TANC2: variants seen among roughly 807,000 people sequenced by gnomAD.
TANC2 encodes the protein tetratricopeptide repeat, ankyrin repeat and coiled-coil containing 2, also known as protein TANC2.
Under a neutral mutation model 210.5 loss-of-function variants are expected in TANC2, and 26 were observed. That is an observed-to-expected ratio of 0.12 (90% CI 0.09 to 0.17). TANC2 has a LOEUF of 0.17. TANC2 is among the 10% of genes least tolerant of loss of function. TANC2 has a pLI of 1.00. For missense variants in TANC2, 2,129 were observed against 2,608.9 expected, an observed-to-expected ratio of 0.82 and a Z score of 4.01; for synonymous variants, 931 against 967.1, an observed-to-expected ratio of 0.96 and a Z score of 0.69.
intron 1 of TANC2, among the ~76,000 whole-genome samples, chr17:62,998,247 C>T (rs533615809): frequency 6.6e-6 from 1 of 152,152 alleles, no homozygotes; most frequent in Non-Finnish European, 1.5e-5. Context: ...TGAACAGAAT[C>T]TCTGAGAAAT....
chr17:63,220,836 A>ATG (rs976594297), intron 7 of TANC2, among the ~76,000 whole-genome samples: 8 of 149,234 alleles, frequency 5.4e-5, no homozygotes, highest in African/African-American at 2.0e-4. Flanking sequence ...ATATGTATAT[A>ATG]TGTGTGTATA....
chr17:63,137,158 G>A (rs1206637585), intron 4 of TANC2, among the ~76,000 whole-genome samples: 1 of 152,110 alleles, frequency 6.6e-6, no homozygotes, highest in Non-Finnish European at 1.5e-5. Flanking sequence ...AGAGATCCAA[G>A]TAAGAACACA....
intron 3 of TANC2, among the ~76,000 whole-genome samples, chr17:63,086,772 A>G (rs1464781118): frequency 7.0e-6 from 1 of 143,870 alleles, no homozygotes; most frequent in Non-Finnish European, 1.6e-5. Flanking sequence ...CACACCCATT[A>G]GTGCTCTGTA....
chr17:63,347,291 A>C (rs978109923), intron 12 of TANC2, among the ~76,000 whole-genome samples: 1 of 152,226 alleles, frequency 6.6e-6, no homozygotes, highest in African/African-American at 2.4e-5. Context: ...GTTAGGCAAA[A>C]GAACAAGTGT....
intron 27 of TANC2, among the ~76,000 whole-genome samples, chr17:63,419,249 C>A (rs1349916869): frequency 6.6e-6 from 1 of 152,198 alleles, no homozygotes. Context: ...GCTGGGGCAA[C>A]GAAGTCCTCA....
exon 5 of TANC2, chr17:63,151,275 C>T (rs755848702): frequency 2.9e-4 from 289 of 985,510 alleles, no homozygotes; most frequent in Non-Finnish European, 3.4e-4. Flanking sequence ...CTTAGCCCCT[C>T]TGAGGAAGGC....
At chr17:63,255,064 TTTATTTA>T (rs2043150705) in intron 8 of TANC2, among the ~76,000 whole-genome samples, 3 of 40,400 alleles carry the variant, frequency 7.4e-5, no homozygotes, top group Non-Finnish European at 2.1e-4. Context: ...TTATTTTTTA[TTTATTTA>T]TTTATTTATT....
exon 28 of TANC2, chr17:63,425,220 T>TA (rs2049115593): frequency 6.6e-6 from 1 of 152,208 alleles, no homozygotes. Flanking sequence ...GTGTATAACT[T>TA]AAACTCGATG....
chr17:63,032,504 C>T (rs1321500211), intron 2 of TANC2, among the ~76,000 whole-genome samples: 1 of 152,086 alleles, frequency 6.6e-6, no homozygotes, highest in African/African-American at 2.4e-5. Context: ...GCTATTGCAG[C>T]AGCATCCAGG....
chr17:62,992,723 A>G (rs1335101845), intron 1 of TANC2, among the ~76,000 whole-genome samples: 2 of 152,186 alleles, frequency 1.3e-5, no homozygotes, highest in Non-Finnish European at 2.9e-5. Flanking sequence ...CACTTGAGAC[A>G]TTGTTATATG....
At chr17:63,117,187 T>C (rs1454292558) in intron 4 of TANC2, 1 of 152,222 alleles carries the variant, frequency 6.6e-6, no homozygotes, top group Non-Finnish European at 1.5e-5. Flanking sequence ...TAGCCTTCCT[T>C]GTTACTCCTG....
chr17:62,991,608 C>T (rs931065935), intron 1 of TANC2, among the ~76,000 whole-genome samples: 2 of 150,540 alleles, frequency 1.3e-5, no homozygotes, highest in African/African-American at 2.5e-5. Flanking sequence ...CCACTGCACT[C>T]CAGCCTGGGT....
chr17:63,141,665 C>G (rs1334321508), intron 4 of TANC2, among the ~76,000 whole-genome samples: 2 of 151,962 alleles, frequency 1.3e-5, no homozygotes, highest in African/African-American at 2.4e-5. Flanking sequence ...GAACTGGGCT[C>G]TAGCAAGAAG....
chr17:62,967,195 A>C (rs369044980), intron 1 of TANC2: 1 of 152,208 alleles, frequency 6.6e-6, no homozygotes, highest in South Asian at 2.1e-4. Context: ...AGCGATATTA[A>C]TAATTCCTCT....
chr17:63,420,406 G>T lies in TANC2; in HGVS notation c.4676G>T (p.Gly1559Val). Residue 1559 changes from glycine (G) to valine (V), a missense_variant, in exon 28 of 28, where the codon GGC (glycine) becomes GTC (valine). Physicochemically the swap from Gly to Val is moderately radical, Grantham distance 109. Transcript: ENST00000689528. This position sits in a 1 kb window ranked among gnomAD's most constrained non-coding sequence, Gnocchi z 4.2. ...GACTTCCGGTCCAGTAGTTCTGTAGGCTCTCCCACTAGACAGACCTATCAG... is the reference window on the plus strand; with the variant it reads ...GACTTCCGGTCCAGTAGTTCTGTAGTCTCTCCCACTAGACAGACCTATCAG... 3 of 1,613,854 alleles carry T rather than the reference G, an allele frequency of 1.9e-6. No homozygotes were observed. Among genetic ancestry groups the T allele is most frequent in the Non-Finnish European group, 1.7e-6 (2 of 1,179,876 alleles).
intron 2 of TANC2, among the ~76,000 whole-genome samples, chr17:63,040,381 A>G (rs956996251): frequency 1.3e-5 from 2 of 152,184 alleles, no homozygotes; most frequent in African/African-American, 4.8e-5. Context: ...AGCATCAAGC[A>G]TAGATGAAAC....
chr17:63,301,983 G>A (rs1351638782), intron 9 of TANC2, among the ~76,000 whole-genome samples: 1 of 152,098 alleles, frequency 6.6e-6, no homozygotes, highest in African/African-American at 2.4e-5. Flanking sequence ...TTGTGTCTTT[G>A]TTCTCATTGG....
chr17:63,098,750 T>A (rs1027851231), intron 3 of TANC2, among the ~76,000 whole-genome samples: 2 of 152,006 alleles, frequency 1.3e-5, no homozygotes, highest in Non-Finnish European at 2.9e-5. Context: ...CTTGAATTTT[T>A]ATGTATTTTC....
At chr17:63,020,757 A>C (rs180958620) in intron 2 of TANC2, among the ~76,000 whole-genome samples, 7 of 152,300 alleles carry the variant, frequency 4.6e-5, no homozygotes, top group Non-Finnish European at 8.8e-5. Flanking sequence ...AGACTGAGTA[A>C]TATAAAGAAA....
Sources: allele counts gnomAD v4.1 joint callset (sites outside exome capture counted in the v4.1 genomes callset), GRCh38; gene constraint gnomAD v4.1.1; non-coding constraint Gnocchi (gnomAD v3.1); transcripts MANE v1.5; gene names NCBI Gene and HGNC (gene_info 2026-07-23, HGNC 2026-07-21).